The following WDR33 variants were observed in gnomAD, a reference collection of about 807,000 sequenced individuals.
WDR33 encodes WD repeat domain 33.
In WDR33, 47 loss-of-function variants were observed where a neutral mutation model predicts 164.9. The observed-to-expected ratio is 0.29, with a 90% CI of 0.23 to 0.36. WDR33 has a LOEUF of 0.36. WDR33 is among the 10% of genes least tolerant of loss of function. The pLI, the probability that WDR33 is intolerant of heterozygous loss-of-function variation, is 1.00. For synonymous variants in WDR33, 505 were observed against 589.0 expected (o/e 0.86, Z 2.06); for missense variants, 1,137 against 1,754.1 (o/e 0.65, Z 6.28).
rs144041023 is a variant in WDR33 at position 127,706,366 on chromosome 2, G to A, written c.3968C>T (p.Pro1323Leu). ...WGRGSNMNSGPPRRGASRGGG... is the reference protein window; with the variant it reads ...WGRGSNMNSGLPRRGASRGGG... ...ACCCCGTGAAGCTCCTCGCCTCGGC[G>A]GGCCAGAGTTCATGTTACTCCCTCT... Residue 1323 changes from proline (P) to leucine (L), a missense_variant, in exon 22 of 22, where the codon CCG (proline) becomes CTG (leucine). Around this residue, in one of 9 missense-constraint regions of WDR33, gnomAD observed 867 missense variants for 1,073.0 expected, o/e 0.81. Transcript: ENST00000322313. This position sits in a 1 kb window ranked among gnomAD's most constrained non-coding sequence, Gnocchi z 5.1. The A allele has an allele frequency of 5.9e-5, 94 of 1,602,624 alleles. No individual in the cohort carries two copies. Among genetic ancestry groups the A allele is most frequent in the Non-Finnish European group, 7.0e-5 (82 of 1,174,148 alleles).
At position 127,714,801 on chromosome 2, in the gene WDR33, G is replaced by C. The variant is rs568998158; in HGVS notation, c.2870-780C>G. On this transcript the variant is annotated intron_variant, in intron 17 of 21. Coordinates refer to ENST00000322313, the MANE Select transcript of WDR33 (RefSeq NM_018383.5). This position sits in a 1 kb window ranked among gnomAD's most constrained non-coding sequence, Gnocchi z 4.3. ...TTAGTTCACCTCCTAACTTGGAAGG[G>C]ACTGTTTTTCCAGCTACTGAACTAC... Among the ~76,000 whole-genome samples, 1 of 152,298 alleles carries C rather than the reference G, an allele frequency of 6.6e-6. No individual in the cohort carries two copies. The highest frequency in any genetic ancestry group is 6.5e-5 in the Admixed American group (1 of 15,294).
Position 127,724,066 on chromosome 2 carries a change from G to A in WDR33, c.1196+267C>T, listed in dbSNP as rs574647059. ...GCACGCCAGCCTGGACAGAGACCCT[G>A]TCTCAAATAAATAAATAAATAAATA... is the stretch of plus-strand genomic sequence containing the variant. On this transcript the variant is annotated intron_variant, in intron 11 of 21. Coordinates refer to ENST00000322313, the MANE Select transcript of WDR33 (RefSeq NM_018383.5). This position sits in a 1 kb window ranked among gnomAD's most constrained non-coding sequence, Gnocchi z 4.8. 7.2e-6 allele frequency among the ~76,000 whole-genome samples: 1 copy of A among 137,944 alleles called. No individual in the cohort carries two copies. Among genetic ancestry groups the A allele is most frequent in the South Asian group, 2.5e-4 (1 of 3,962 alleles). 90.5% of individuals were successfully genotyped at this position (137,944 alleles called of 152,430 possible).
rs369184370 is a variant in WDR33 at position 127,719,558 on chromosome 2, C to T, written c.2467G>A (p.Gly823Ser). 18 of 1,613,900 alleles carry T rather than the reference C, an allele frequency of 1.1e-5. No individual in the cohort carries two copies. The African/African-American group carries it at 1.2e-4, about 11-fold the overall frequency. ...PHPPGGLLGH[G>S]PQEMRGPQEI... is the part of the protein sequence containing the mutation. ...TGAGGACCTCTCATTTCCTGAGGGC[C>T]GTGTCCCAGTAGTCCACCTGGAGGG... The change falls in exon 16 of 22, where the codon GGC becomes AGC. Residue 823 changes from glycine to serine, a missense_variant. Physicochemically the swap from Gly to Ser is moderately conservative, Grantham distance 56 (BLOSUM62 0). Transcript: ENST00000322313. This position sits in a 1 kb window ranked among gnomAD's most constrained non-coding sequence, Gnocchi z 6.5.
chr2:127,788,471 G>T (rs1322386566), intron 1 of WDR33, among the ~76,000 whole-genome samples: 1 of 134,088 alleles, frequency 7.5e-6, no homozygotes, highest in African/African-American at 3.0e-5. Context: ...CCGGGCGGGG[G>T]GCTGACACCC....
chr2:127,783,967 G>C (rs7601271), intron 1 of WDR33, among the ~76,000 whole-genome samples: 6,116 of 148,650 alleles, frequency 0.041, 359 homozygotes, highest in African/African-American at 0.13. Context: ...CTGTGGTATT[G>C]GATACTGGCC....
At chr2:127,761,422 G>A (rs1687673146) in intron 7 of WDR33, among the ~76,000 whole-genome samples, 1 of 152,072 alleles carries the variant, frequency 6.6e-6, no homozygotes, top group Non-Finnish European at 1.5e-5. Context: ...GGATGGTCTT[G>A]ATCTCCTGAC....
intron 7 of WDR33, among the ~76,000 whole-genome samples, chr2:127,759,493 C>T (rs923254495): frequency 6.6e-6 from 1 of 152,038 alleles, no homozygotes; most frequent in Non-Finnish European, 1.5e-5. Context: ...CAGCTCTAGA[C>T]CAGCCTGGTC....
Position 127,709,869 on chromosome 2 carries a change from A to C in WDR33, c.3309-13T>G, listed in dbSNP as rs745682308. 6.1e-5 allele frequency: 98 copies of C among 1,612,900 alleles called. No homozygotes were observed. Among genetic ancestry groups the C allele is most frequent in the Non-Finnish European group, 6.7e-5 (79 of 1,179,660 alleles). ...TCCTCTTCTGAAACTGTAAAGAGAA[A>C]ACAGCAGAATGTCCATCTCAGAGAA... On this transcript the variant is annotated splice_polypyrimidine_tract_variant and intron_variant, in intron 18 of 21. Transcript: ENST00000322313. The surrounding 1 kb of genome is among the most constrained non-coding windows in gnomAD (Gnocchi z 5.0).
Position 127,719,990 on chromosome 2 carries a change from T to G in WDR33, c.2035A>C (p.Arg679=). 1.2e-6 allele frequency: 2 copies of G among 1,613,856 alleles called. No homozygotes were observed. The highest frequency in any genetic ancestry group is 1.7e-6 in the Non-Finnish European group (2 of 1,179,936). Residue 679 remains arginine, a synonymous_variant, in exon 16 of 22, where the codon AGG becomes CGG. Transcript: ENST00000322313. This position sits in a 1 kb window ranked among gnomAD's most constrained non-coding sequence, Gnocchi z 6.5. ...QDMHGPQGMQ[R]HPGPHGPLGP... ...AAAGGGCCATGAGGTCCAGGATGCC[T>G]CTGCATTCCTTGGGGCCCATGCATG...
chr2:127,730,274 T>C (rs1166421947), intron 7 of WDR33, among the ~76,000 whole-genome samples: 1 of 152,048 alleles, frequency 6.6e-6, no homozygotes, highest in Non-Finnish European at 1.5e-5. Context: ...GAAAAATAAA[T>C]AGATTAAGCT....
At chr2:127,760,825 A>G (rs557502792) in intron 7 of WDR33, among the ~76,000 whole-genome samples, 8 of 152,354 alleles carry the variant, frequency 5.3e-5, no homozygotes, top group African/African-American at 1.9e-4. Context: ...TGTAAACCCT[A>G]AAAGTACCTG....
intron 1 of WDR33, among the ~76,000 whole-genome samples, chr2:127,790,901 A>C (rs1353222072): frequency 6.6e-6 from 1 of 152,104 alleles, no homozygotes; most frequent in African/African-American, 2.4e-5. Context: ...GGGGCATGGA[A>C]TTGTTCACGA....
chr2:127,782,491 A>G (rs760808102), intron 1 of WDR33, among the ~76,000 whole-genome samples: 4 of 152,084 alleles, frequency 2.6e-5, no homozygotes, highest in African/African-American at 9.7e-5. Context: ...GCGTTCAGGT[A>G]CGGCCTTAGT....
rs1266062276 is a variant in WDR33 at position 127,702,776 on chromosome 2, G to T, written c.*3547C>A. On this transcript the variant is annotated 3_prime_UTR_variant, in exon 22 of 22. Transcript: ENST00000322313. ...AAATATGGTGCCTTATAACATGAAA[G>T]GAAAATTAGTTGTGTATTTCACGAC... 6.0e-6 allele frequency: 1 copy of T among 167,034 alleles called. No individual in the cohort carries two copies. The highest frequency in any genetic ancestry group is 2.4e-5 in the African/African-American group (1 of 41,436). The allele number at this position is 167,034 out of a possible 1,614,324, so 10.3% of individuals were successfully genotyped here.
Position 127,701,720 on chromosome 2 carries a change from C to T in WDR33, c.*4603G>A, listed in dbSNP as rs1685886676. ...GCCCTGCGGAGTCGGCAGCGGCCGG[C>T]CTGACGTGCCTCCCGAGCGTGACGC... On this transcript the variant is annotated 3_prime_UTR_variant, in exon 22 of 22. Coordinates refer to ENST00000322313, the MANE Select transcript of WDR33 (RefSeq NM_018383.5). 7.3e-7 allele frequency: 1 copy of T among 1,369,130 alleles called. No individual in the cohort carries two copies. Among genetic ancestry groups the T allele is most frequent in the Non-Finnish European group, 9.4e-7 (1 of 1,062,838 alleles). 84.8% of individuals were successfully genotyped at this position (1,369,130 alleles called of 1,614,324 possible). A position where few individuals can be genotyped will look rare whatever the true frequency, so the allele number is the denominator to read the frequency against.
At chr2:127,771,120 C>G (rs116634293) in intron 1 of WDR33, 116 bp from the exon 2 acceptor site, 25,845 of 795,460 alleles carry the variant, frequency 0.032, 551 homozygotes, top group Middle Eastern at 0.07. Context: ...TGCATCATTT[C>G]CACTTACACA....
chr2:127,725,204 T>C lies in WDR33; in HGVS notation c.863A>G (p.Lys288Arg), dbSNP rs267598862. The change falls in exon 9 of 22, where the codon AAA (lysine) becomes AGA (arginine). Residue 288 changes from lysine to arginine, a missense_variant. Lys to Arg is a conservative substitution (Grantham distance 26). This residue lies in a region of WDR33 where 83 missense variants were observed against 189.2 expected (regional missense o/e 0.44). Coordinates refer to ENST00000322313, the MANE Select transcript of WDR33 (RefSeq NM_018383.5). ...GQSLATLHAHKNTVMEVKLNL... is the reference protein window; with the variant it reads ...GQSLATLHAHRNTVMEVKLNL... Reference sequence around the variant, plus strand: ...TAATTTCACTTCCATTACTGTGTTTTTATGGGCATGACTAGAAACAAAGTA... The same window carrying C: ...TAATTTCACTTCCATTACTGTGTTTCTATGGGCATGACTAGAAACAAAGTA... 1 of 1,605,348 alleles carries C rather than the reference T, an allele frequency of 6.2e-7. No homozygotes were observed. The highest frequency in any genetic ancestry group is 8.5e-7 in the Non-Finnish European group (1 of 1,177,822).
At chr2:127,809,872 T>A (rs981848113) in intron 1 of WDR33, among the ~76,000 whole-genome samples, 2 of 152,146 alleles carry the variant, frequency 1.3e-5, no homozygotes, top group Non-Finnish European at 2.9e-5. Flanking sequence ...CAATATTTTA[T>A]CTTCTCCCGG....
intron 7 of WDR33, among the ~76,000 whole-genome samples, chr2:127,733,001 A>G (rs1404279366): frequency 6.6e-6 from 1 of 152,224 alleles, no homozygotes; most frequent in Non-Finnish European, 1.5e-5. Flanking sequence ...CCAAGAATGT[A>G]GTGTTTGTAA....
Sources: gnomAD v4.1 joint callset for allele counts (sites outside exome capture counted in the v4.1 genomes callset) on GRCh38, gnomAD v4.1.1 for gene constraint, gnomAD v4.1.1 regional missense constraint, Gnocchi (gnomAD v3.1) non-coding constraint, MANE v1.5 for transcripts, NCBI Gene and HGNC (gene_info 2026-07-23, HGNC 2026-07-21) for gene names.